Variants in JPH3 observed in about 807,000 individuals in gnomAD.
JPH3 encodes junctophilin-3.
In JPH3, 11 loss-of-function variants were observed where a neutral mutation model predicts 59.6. That is an observed-to-expected ratio of 0.18 (90% CI 0.12 to 0.31). The LOEUF (loss-of-function observed/expected upper bound fraction) is 0.31. Among genes scored for constraint, JPH3 ranks in the 10% least tolerant of loss-of-function variants. The probability of loss-of-function intolerance (pLI) is 1.00; values close to 1 mark genes in which losing one functional copy is unlikely to be tolerated. For synonymous variants in JPH3, 673 were observed against 483.6 expected (o/e 1.39, Z -5.14); for missense variants, 1,202 against 1,105.7 (o/e 1.09, Z -1.24).
chr16:87,614,207 C>T (rs909581832), intron 1 of JPH3, among the ~76,000 whole-genome samples: 90 of 151,998 alleles, frequency 5.9e-4, no homozygotes, highest in African/African-American at 2.1e-3. Context: ...CCGCGTGTCC[C>T]CTCCCAGGAT....
chr16:87,629,027 G>T (rs941217618), intron 1 of JPH3, among the ~76,000 whole-genome samples: 1 of 152,098 alleles, frequency 6.6e-6, no homozygotes, highest in Non-Finnish European at 1.5e-5. Flanking sequence ...GCTGGGTCCG[G>T]AGTCTCCAAG....
At chr16:87,671,559 C>G (rs1274472282) in intron 2 of JPH3, among the ~76,000 whole-genome samples, 1 of 151,778 alleles carries the variant, frequency 6.6e-6, no homozygotes, top group Non-Finnish European at 1.5e-5. Flanking sequence ...CAGGAGTCAC[C>G]CACACAACCC....
At chr16:87,647,409 A>T (rs1418152445) in intron 2 of JPH3, among the ~76,000 whole-genome samples, 3 of 151,860 alleles carry the variant, frequency 2.0e-5, no homozygotes, top group Non-Finnish European at 2.9e-5. Flanking sequence ...AGGGAGTGAG[A>T]GGGAAAGGAT....
At position 87,638,156 on chromosome 16, in the gene JPH3, G is replaced by A. The variant is rs1253402844; in HGVS notation, c.383-6102G>A. Among the ~76,000 whole-genome samples the A allele has an allele frequency of 2.0e-5, 3 of 152,108 alleles. No individual in the cohort carries two copies. In the East Asian group the frequency reaches 5.8e-4, roughly 29 times the overall value. On this transcript the variant is annotated intron_variant, in intron 1 of 4. Transcript: ENST00000284262. ...GCTGGTCTCGAACTCCTGACCTCAG[G>A]TGATCTACCTGCCTGGCCTCCCAAA...
chr16:87,619,535 G>T (rs912826866), intron 1 of JPH3, among the ~76,000 whole-genome samples: 5 of 152,202 alleles, frequency 3.3e-5, no homozygotes, highest in Non-Finnish European at 7.3e-5. Context: ...CACAGTAGGT[G>T]CTCAGTAAGC....
chr16:87,660,946 C>G (rs148499953), intron 2 of JPH3, among the ~76,000 whole-genome samples: 29 of 152,352 alleles, frequency 1.9e-4, no homozygotes, highest in African/African-American at 6.5e-4. Flanking sequence ...GTGAGAATCC[C>G]TTATCTGAAA....
At chr16:87,635,729 C>T (rs984269851) in intron 1 of JPH3, among the ~76,000 whole-genome samples, 2 of 152,164 alleles carry the variant, frequency 1.3e-5, no homozygotes, top group African/African-American at 2.4e-5. Flanking sequence ...TTCTAGTCGG[C>T]GTTTCACGGG....
chr16:87,605,407 C>G (rs1371200449), intron 1 of JPH3, among the ~76,000 whole-genome samples: 1 of 152,170 alleles, frequency 6.6e-6, no homozygotes, highest in African/African-American at 2.4e-5. Flanking sequence ...CTGAGCAAAG[C>G]AGACAGCCAG....
chr16:87,656,529 G>A (rs1401465279), intron 2 of JPH3, among the ~76,000 whole-genome samples: 1 of 152,226 alleles, frequency 6.6e-6, no homozygotes, highest in Non-Finnish European at 1.5e-5. Context: ...TCGGCTCAGG[G>A]CCGGGCCCAG....
chr16:87,649,668 G>A (rs1037936432), intron 2 of JPH3, among the ~76,000 whole-genome samples: 1 of 152,196 alleles, frequency 6.6e-6, no homozygotes, highest in African/African-American at 2.4e-5. Context: ...CCAAATAAAA[G>A]CAGAAAGCTC....
At chr16:87,619,840 G>A (rs546781171) in intron 1 of JPH3, among the ~76,000 whole-genome samples, 1 of 152,306 alleles carries the variant, frequency 6.6e-6, no homozygotes. Flanking sequence ...TGCGGGGCAC[G>A]GATGGGGCGC....
chr16:87,643,517 G>C (rs2032025652), intron 1 of JPH3, among the ~76,000 whole-genome samples: 1 of 152,188 alleles, frequency 6.6e-6, no homozygotes, highest in Admixed American at 6.5e-5. Flanking sequence ...CCAGCAATGG[G>C]GAGCTCACTG....
Position 87,697,400 on chromosome 16 carries a change from C to G in JPH3, c.*740C>G, listed in dbSNP as rs1190602719. ...GGTCCCATTCGGCTGTTTCCCCCAC[C>G]AGACCCCAGGGAAGCCGGGGCCCAC... On this transcript the variant is annotated 3_prime_UTR_variant, in exon 5 of 5. Coordinates refer to ENST00000284262, the MANE Select transcript of JPH3 (RefSeq NM_020655.4). The G allele has an allele frequency of 6.6e-6, 1 of 152,384 alleles. No individual in the cohort carries two copies. The highest frequency in any genetic ancestry group is 2.4e-5 in the African/African-American group (1 of 41,460). The allele number at this position is 152,384 out of a possible 1,614,324, so 9.4% of individuals were successfully genotyped here.
intron 2 of JPH3, among the ~76,000 whole-genome samples, chr16:87,649,647 C>G (rs966960616): frequency 6.6e-6 from 1 of 152,232 alleles, no homozygotes; most frequent in African/African-American, 2.4e-5. Flanking sequence ...CATCCCCACC[C>G]GCCGTGGAAA....
At chr16:87,622,770 C>T (rs113878386) in intron 1 of JPH3, among the ~76,000 whole-genome samples, 2,008 of 152,084 alleles carry the variant, frequency 0.013, 45 homozygotes, top group African/African-American at 0.046. Flanking sequence ...CGCTGAGAGG[C>T]CTGGTCCTGC....
intron 2 of JPH3, chr16:87,655,050 G>T (rs918725359): frequency 5.3e-5 from 8 of 152,204 alleles, no homozygotes; most frequent in Admixed American, 5.2e-4. Context: ...GTTTGCCTGG[G>T]GTCAGTGGGC....
At chr16:87,620,997 A>G (rs1414871659) in intron 1 of JPH3, among the ~76,000 whole-genome samples, 6 of 152,152 alleles carry the variant, frequency 3.9e-5, no homozygotes, top group African/African-American at 1.4e-4. Context: ...ATCTCTACCA[A>G]AAAATACAAA....
chr16:87,673,779 A>G (rs952001856), intron 2 of JPH3, among the ~76,000 whole-genome samples: 1 of 151,756 alleles, frequency 6.6e-6, no homozygotes, highest in Non-Finnish European at 1.5e-5. Context: ...TATAAAAATG[A>G]GCTGGGTGTG....
At chr16:87,688,695 G>C (rs1270651673) in intron 3 of JPH3, among the ~76,000 whole-genome samples, 1 of 152,198 alleles carries the variant, frequency 6.6e-6, no homozygotes, top group East Asian at 1.9e-4. Flanking sequence ...GGCTCGGGCA[G>C]GACGGGGATG....
Sources: allele counts gnomAD v4.1 joint callset (sites outside exome capture counted in the v4.1 genomes callset), GRCh38; gene constraint gnomAD v4.1.1; transcripts MANE v1.5; gene names NCBI Gene and HGNC (gene_info 2026-07-23, HGNC 2026-07-21).